The following MYO18B variants were observed in gnomAD, a reference collection of about 807,000 sequenced individuals.
The protein encoded by MYO18B is myosin XVIIIB.
MYO18B carries 204 observed loss-of-function variants against 273.0 expected under a neutral mutation model. The observed-to-expected ratio is 0.75, with a 90% CI of 0.67 to 0.84. The LOEUF is 0.84. MYO18B is among the 40% of genes least tolerant of loss of function. The pLI is 0.00. For synonymous variants in MYO18B, 1,330 were observed against 1,305.7 expected (o/e 1.02, Z -0.40); for missense variants, 3,212 against 3,287.6 (o/e 0.98, Z 0.56).
rs756752549 is a variant in MYO18B at position 26,027,413 on chromosome 22, C to G, written c.7439C>G (p.Ala2480Gly). ...AGCATCCACTTTGAAACGGAAGAGG[C>G]TAACCGTTCCTTTCTCTCGGGGATC... is the stretch of plus-strand genomic sequence containing the variant. ...RSSIHFETEE[A>G]NRSFLSGIKT... The change falls in exon 43 of 44, where the codon GCT (alanine) becomes GGT (glycine). Residue 2480 changes from alanine to glycine, a missense_variant. Physicochemically the swap from Ala to Gly is moderately conservative, Grantham distance 60. Coordinates refer to ENST00000335473, the MANE Select transcript of MYO18B (RefSeq NM_032608.7). This position sits in a 1 kb window ranked among gnomAD's most constrained non-coding sequence, Gnocchi z 4.1. 1 of 1,613,968 alleles carries G rather than the reference C, an allele frequency of 6.2e-7. No homozygotes were observed. The highest frequency in any genetic ancestry group is 1.7e-5 in the Admixed American group (1 of 60,028).
the MYO18B span, among the ~76,000 whole-genome samples, chr22:26,045,240 CTGAGTCA>C: frequency 1.3e-5 from 2 of 152,018 alleles, no homozygotes; most frequent in African/African-American, 2.4e-5. Context: ...TGGAGCATGG[CTGAGTCA>C]CTTCAGATAT....
At chr22:26,000,791 T>C (rs946758538) in intron 40 of MYO18B, among the ~76,000 whole-genome samples, 1 of 152,176 alleles carries the variant, frequency 6.6e-6, no homozygotes. Context: ...AGGTCAGATA[T>C]CACACTTGGT....
intron 39 of MYO18B, among the ~76,000 whole-genome samples, chr22:25,965,401 A>G (rs760692896): frequency 6.6e-6 from 1 of 152,182 alleles, no homozygotes; most frequent in Non-Finnish European, 1.5e-5. Context: ...ATGAATTTGG[A>G]TCTGAGAGGA....
intron 1 of MYO18B, among the ~76,000 whole-genome samples, chr22:25,747,710 G>C (rs907925569): frequency 5.3e-5 from 8 of 152,224 alleles, no homozygotes; most frequent in Non-Finnish European, 1.0e-4. Context: ...GTCAGCCACT[G>C]ATATGCAAAG....
chr22:25,895,084 G>C, intron 27 of MYO18B, 72 bp from the exon 28 acceptor site: 1 of 1,538,664 alleles, frequency 6.5e-7, no homozygotes, highest in Non-Finnish European at 8.8e-7. Context: ...AGAAAGTGGA[G>C]GAGAGCCACT....
intron 12 of MYO18B, among the ~76,000 whole-genome samples, chr22:25,798,732 A>T (rs2088043486): frequency 1.3e-5 from 2 of 150,968 alleles, no homozygotes; most frequent in African/African-American, 4.9e-5. Flanking sequence ...GTTAATATAT[A>T]TTTTTTTATT....
intron 34 of MYO18B, among the ~76,000 whole-genome samples, chr22:25,938,033 T>G (rs184655137): frequency 6.6e-6 from 1 of 152,328 alleles, no homozygotes; most frequent in East Asian, 1.9e-4. Context: ...GCCTGGGATG[T>G]GTTGAGAATA....
the MYO18B span, among the ~76,000 whole-genome samples, chr22:26,052,825 C>T: frequency 1.5e-4 from 21 of 141,914 alleles, no homozygotes; most frequent in South Asian, 3.8e-3. Context: ...TTTTTTGAGA[C>T]GGAGTTTCGC....
chr22:25,772,462 T>C lies in MYO18B; in HGVS notation c.1821T>C (p.Asp607=). The change falls in exon 7 of 44, where the codon GAT becomes GAC. Residue 607 remains aspartate, a synonymous_variant. Coordinates refer to ENST00000335473, the MANE Select transcript of MYO18B (RefSeq NM_032608.7). ...TGCTGCACACCTGCACAGGGCCTGA[T>C]CTGATTGTCCTCCAGCCCCGGGGGC... ...AQLLHTCTGP[D]LIVLQPRGPS... 2 of 1,613,948 alleles carry C rather than the reference T, an allele frequency of 1.2e-6. No individual in the cohort carries two copies. Among genetic ancestry groups the C allele is most frequent in the Non-Finnish European group, 1.7e-6 (2 of 1,179,884 alleles).
chr22:25,763,204 CT>C, intron 2 of MYO18B, 26 bp from the exon 3 acceptor site: 5 of 1,609,512 alleles, frequency 3.1e-6, no homozygotes, highest in Non-Finnish European at 4.2e-6. Context: ...TCACTGAGCT[CT>C]CTCTTTCCTT....
intron 11 of MYO18B, among the ~76,000 whole-genome samples, chr22:25,796,096 G>T (rs753614703): frequency 1.4e-4 from 22 of 152,122 alleles, no homozygotes; most frequent in South Asian, 6.2e-4. Flanking sequence ...ATTGACAAAA[G>T]AATTCCCATT....
At chr22:25,975,083 C>T (rs1482028009) in intron 39 of MYO18B, among the ~76,000 whole-genome samples, 2 of 152,108 alleles carry the variant, frequency 1.3e-5, no homozygotes, top group Non-Finnish European at 2.9e-5. Flanking sequence ...TCCTGAGTGC[C>T]TGGGAAGGCA....
In MYO18B at chr22:26,026,997, C is replaced by A; in HGVS notation, c.7023C>A (p.Pro2341=). Reference sequence around the variant, plus strand: ...GTGTTGGGGGCACAACCCTACTCCCCGAAAAGTCGAAAACCCAATTCAGTT... The same window carrying A: ...GTGTTGGGGGCACAACCCTACTCCCAGAAAAGTCGAAAACCCAATTCAGTT... The part of the protein sequence containing the change: ...SDGVGGTTLL[P]EKSKTQFSSC... The change falls in exon 43 of 44, where the codon CCC becomes CCA. Residue 2341 remains proline, a synonymous_variant. Transcript: ENST00000335473. 1 of 1,613,890 alleles carries A rather than the reference C, an allele frequency of 6.2e-7. No homozygotes were observed. The highest frequency in any genetic ancestry group is 8.5e-7 in the Non-Finnish European group (1 of 1,179,876).
chr22:25,788,908 G>A (rs796547543), intron 11 of MYO18B, among the ~76,000 whole-genome samples: 2 of 152,132 alleles, frequency 1.3e-5, no homozygotes, highest in East Asian at 1.9e-4. Flanking sequence ...CTTGGGCCTC[G>A]ATTTTTTCCT....
intron 21 of MYO18B, among the ~76,000 whole-genome samples, chr22:25,857,744 C>G (rs2090615913): frequency 6.6e-6 from 1 of 152,228 alleles, no homozygotes; most frequent in Non-Finnish European, 1.5e-5. Context: ...ACCTCTGCCT[C>G]CTGGGTTCAA....
Position 25,843,849 on chromosome 22 carries a change from A to G in MYO18B, c.3323A>G (p.Asn1108Ser), listed in dbSNP as rs745472552. 1.2e-6 allele frequency: 2 copies of G among 1,613,336 alleles called. No homozygotes were observed. The highest frequency in any genetic ancestry group is 1.1e-5 in the South Asian group (1 of 91,040). Reference protein sequence around the residue: ...LTGWLHRAKPNLSALDAPQVL... With the variant: ...LTGWLHRAKPSLSALDAPQVL... ...GGCTGGCTCCACAGAGCCAAGCCCA[A>G]CCTCTCGGCCCTGGATGCACCCCAG... Residue 1108 changes from asparagine (N) to serine (S), a missense_variant, in exon 18 of 44, where the codon AAC becomes AGC. Coordinates refer to ENST00000335473, the MANE Select transcript of MYO18B (RefSeq NM_032608.7).
intron 34 of MYO18B, among the ~76,000 whole-genome samples, chr22:25,931,218 A>G (rs1274656294): frequency 6.6e-6 from 1 of 152,232 alleles, no homozygotes; most frequent in Non-Finnish European, 1.5e-5. Context: ...CAGAATTGTA[A>G]TTGGTTAAAA....
At chr22:26,056,052 T>C in the MYO18B span, among the ~76,000 whole-genome samples, 1 of 152,182 alleles carries the variant, frequency 6.6e-6, no homozygotes, top group Admixed American at 6.5e-5. Flanking sequence ...CAATAAAATA[T>C]TTATTACAGA....
intron 38 of MYO18B, among the ~76,000 whole-genome samples, chr22:25,953,901 C>T (rs1311443407): frequency 6.6e-6 from 1 of 152,152 alleles, no homozygotes; most frequent in Non-Finnish European, 1.5e-5. Flanking sequence ...TTTGAGAACT[C>T]CTTCCACTCT....
Sources: gnomAD v4.1 joint callset for allele counts (sites outside exome capture counted in the v4.1 genomes callset) on GRCh38, gnomAD v4.1.1 for gene constraint, Gnocchi (gnomAD v3.1) non-coding constraint, MANE v1.5 for transcripts, NCBI Gene and HGNC (gene_info 2026-07-23, HGNC 2026-07-21) for gene names.